Variants in KCTD13 observed in about 807,000 individuals in gnomAD.
The protein encoded by KCTD13 is BTB/POZ domain-containing adapter for CUL3-mediated RhoA degradation protein 1.
A neutral mutation model predicts 32.3 loss-of-function variants in KCTD13; 15 were observed. The observed-to-expected ratio is 0.46, with a 90% CI of 0.31 to 0.71. The LOEUF (loss-of-function observed/expected upper bound fraction) is 0.71, where lower values mean the gene tolerates loss of function less well. Ranked by LOEUF, KCTD13 falls within the 30% of genes least tolerant of loss-of-function variation. The probability of loss-of-function intolerance (pLI) is 0.05; values close to 1 mark genes in which losing one functional copy is unlikely to be tolerated. For missense variants in KCTD13, 337 were observed against 452.6 expected, an observed-to-expected ratio of 0.74 and a Z score of 2.32; for synonymous variants, 189 against 200.1, an observed-to-expected ratio of 0.94 and a Z score of 0.47.
intron 1 of KCTD13, chr16:29,925,472 G>A (rs565226367): frequency 1.2e-5 from 5 of 415,532 alleles, no homozygotes; most frequent in South Asian, 4.5e-5. Context: ...CCCAAGTCTT[G>A]AGCTGAGGGG....
chr16:29,910,638 C>A (rs1210656057), intron 5 of KCTD13, among the ~76,000 whole-genome samples: 1 of 152,124 alleles, frequency 6.6e-6, no homozygotes, highest in Admixed American at 6.5e-5. Flanking sequence ...GGGTTACAGG[C>A]GTAAGCCACT....
chr16:29,925,884 C>T lies in KCTD13; in HGVS notation c.150G>A (p.Ser50=). 6.2e-7 allele frequency: 1 copy of T among 1,614,044 alleles called. No homozygotes were observed. Among genetic ancestry groups the T allele is most frequent in the East Asian group, 2.2e-5 (1 of 44,856 alleles). ...SKYVKLNVGG[S]LHYTTLRTLT... ...GGGTGCGCAGCGTGGTGTAGTGCAACGAGCCGCCCACGTTCAGCTTCACGT... is the reference window on the plus strand; with the variant it reads ...GGGTGCGCAGCGTGGTGTAGTGCAATGAGCCGCCCACGTTCAGCTTCACGT... Residue 50 remains serine (S), a synonymous_variant, in exon 1 of 6, where the codon TCG becomes TCA. Transcript: ENST00000568000.
Position 29,906,401 on chromosome 16 carries a change from CAG to C in KCTD13, c.*469_*470del. ...AATTAAAATAATAAATAATATGAAA[CAG>C]ACTGATAACGCTGAGCTGGGCAGGC... On this transcript the variant is annotated 3_prime_UTR_variant, in exon 6 of 6. Transcript: ENST00000568000. 1 of 303,922 alleles carries C rather than the reference CAG, an allele frequency of 3.3e-6. No individual in the cohort carries two copies. The highest frequency in any genetic ancestry group is 2.9e-5 in the South Asian group (1 of 34,688). 18.8% of individuals were successfully genotyped at this position (303,922 alleles called of 1,614,324 possible).
chr16:29,910,396 C>T (rs2068686330), intron 5 of KCTD13, among the ~76,000 whole-genome samples: 1 of 150,900 alleles, frequency 6.6e-6, no homozygotes, highest in South Asian at 2.1e-4. Context: ...GACTCCATCT[C>T]AAATAATAAT....
At chr16:29,917,065 A>G (rs1476510326) in intron 2 of KCTD13, among the ~76,000 whole-genome samples, 2 of 152,318 alleles carry the variant, frequency 1.3e-5, no homozygotes, top group Middle Eastern at 3.4e-3. Flanking sequence ...ACATGCTGTC[A>G]TTTCTGCAAT....
intron 2 of KCTD13, chr16:29,914,767 TAA>T (rs2068780340): frequency 6.6e-6 from 1 of 152,194 alleles, no homozygotes; most frequent in Non-Finnish European, 1.5e-5. Context: ...ACCTGTGAGC[TAA>T]AGAGACAGGT....
At position 29,911,172 on chromosome 16, in the gene KCTD13, T is replaced by C; in HGVS notation, c.559A>G (p.Thr187Ala). Reference protein sequence around the residue: ...RSNNKYSYTSTSDDNLLKNIE... With the variant: ...RSNNKYSYTSASDDNLLKNIE... ...TTCTTAAGTAGGTTGTCATCTGAAG[T>C]GCTGGGGACCAGGGGACCAGGAGGC... The change falls in exon 5 of 6, where the codon ACT becomes GCT. Residue 187 changes from threonine (T) to alanine (A), a missense_variant and splice_region_variant. Transcript: ENST00000568000. The C allele has an allele frequency of 6.2e-7, 1 of 1,613,728 alleles. No individual in the cohort carries two copies. Among genetic ancestry groups the C allele is most frequent in the Non-Finnish European group, 8.5e-7 (1 of 1,179,760 alleles).
rs145650656 is a variant in KCTD13, at chr16:29,907,222, G to A, written c.754-114C>T. On this transcript the variant is annotated intron_variant, in intron 5 of 5. Transcript: ENST00000568000. ...CTCCTAGCCCTGCAGTCAGGTCCTT[G>A]GGCCTGGCCTGGCCTCTCTGCCACT... is the stretch of plus-strand genomic sequence containing the variant. The A allele has an allele frequency of 3.3e-3, 2,326 of 714,988 alleles. 10 individuals carry two copies. Among genetic ancestry groups the A allele is most frequent in the Non-Finnish European group, 4.7e-3 (2,025 of 428,006 alleles). The allele number at this position is 714,988 out of a possible 1,614,324, so 44.3% of individuals were successfully genotyped here. A position where few individuals can be genotyped will look rare whatever the true frequency, so the allele number is the denominator to read the frequency against.
At chr16:29,924,520 C>T (rs1293041577) in intron 1 of KCTD13, among the ~76,000 whole-genome samples, 1 of 151,988 alleles carries the variant, frequency 6.6e-6, no homozygotes, top group East Asian at 1.9e-4. Context: ...ATAGAGCTTA[C>T]TATCAAAAAA....
In KCTD13 at chr16:29,925,752, G is replaced by C. The variant is rs769126474; in HGVS notation, c.244+38C>G. ...GAGACTGCGGGGAACGGGAGTTGGGGGTCTGGGGTGGGGGCACGGTAGGGG... is the reference window on the plus strand; with the variant it reads ...GAGACTGCGGGGAACGGGAGTTGGGCGTCTGGGGTGGGGGCACGGTAGGGG... On this transcript the variant is annotated intron_variant, in intron 1 of 5. Transcript: ENST00000568000. 2.6e-6 allele frequency: 4 copies of C among 1,562,400 alleles called. No homozygotes were observed. In the African/African-American group the frequency reaches 4.5e-5, roughly 18 times the overall value.
rs186765217 is a variant in KCTD13 at position 29,909,479 on chromosome 16, A to C, written c.753+1499T>G. ...TCATAGTAAGCTCGGAAGGGACCAG[A>C]TGAGGAAGGGCTTGTATTTTGCTCA... On this transcript the variant is annotated intron_variant, in intron 5 of 5. Transcript: ENST00000568000. 1.2e-3 allele frequency among the ~76,000 whole-genome samples: 187 copies of C among 152,198 alleles called. 4 individuals carry two copies. In the South Asian group the frequency reaches 0.018, roughly 15 times the overall value.
At chr16:29,925,027 C>T (rs1300757853) in intron 1 of KCTD13, among the ~76,000 whole-genome samples, 1 of 152,122 alleles carries the variant, frequency 6.6e-6, no homozygotes, top group Non-Finnish European at 1.5e-5. Flanking sequence ...GAATTCTTCA[C>T]CTTTGATACT....
rs1364163095 is a variant in KCTD13, at chr16:29,906,539, G to C, written c.*333C>G. The C allele has an allele frequency of 2.0e-6, 1 of 491,558 alleles. No individual in the cohort carries two copies. The highest frequency in any genetic ancestry group is 2.3e-5 in the Admixed American group (1 of 43,448). The allele number at this position is 491,558 out of a possible 1,614,324, so 30.4% of individuals were successfully genotyped here. ...CTCAGACTGTGGTGATGTCAGGAAGGGCCGCACACTTTGGCATGGACGATG... is the reference window on the plus strand; with the variant it reads ...CTCAGACTGTGGTGATGTCAGGAAGCGCCGCACACTTTGGCATGGACGATG... On this transcript the variant is annotated 3_prime_UTR_variant, in exon 6 of 6. Coordinates refer to ENST00000568000, the MANE Select transcript of KCTD13 (RefSeq NM_178863.5).
In KCTD13 at chr16:29,911,672, G is replaced by A. The variant is rs371485375; in HGVS notation, c.557+143C>T. 2.4e-5 allele frequency: 19 copies of A among 779,290 alleles called. No individual in the cohort carries two copies. In the East Asian group the frequency reaches 3.8e-4, roughly 15 times the overall value. The allele number at this position is 779,290 out of a possible 1,614,324, so 48.3% of individuals were successfully genotyped here. ...CAGAAAGGACCTGCCTAGAGCGTCA[G>A]GGGTAAGAGGCGAAGCCGAATCTGC... On this transcript the variant is annotated intron_variant, in intron 4 of 5. Transcript: ENST00000568000.
At chr16:29,912,129 TG>T in intron 2 of KCTD13, 80 bp from the exon 3 acceptor site, 1 of 946,814 alleles carries the variant, frequency 1.1e-6, no homozygotes, top group Admixed American at 2.2e-5. Context: ...AAAAGCTGGT[TG>T]GGAACAACTC....
intron 5 of KCTD13, among the ~76,000 whole-genome samples, chr16:29,910,439 T>C (rs776239558): frequency 6.6e-6 from 1 of 151,868 alleles, no homozygotes; most frequent in Non-Finnish European, 1.5e-5. Flanking sequence ...ATTACTGGGC[T>C]CAAGCAATCC....
At chr16:29,918,387 G>C (rs2068846752) in intron 2 of KCTD13, among the ~76,000 whole-genome samples, 1 of 152,138 alleles carries the variant, frequency 6.6e-6, no homozygotes. Flanking sequence ...TGCTTGATGT[G>C]GCCCAACGTG....
intron 2 of KCTD13, 42 bp from the exon 3 acceptor site, chr16:29,912,091 C>G: frequency 1.5e-6 from 2 of 1,327,472 alleles, no homozygotes; most frequent in Non-Finnish European, 2.1e-6. Context: ...CAACCAAAGG[C>G]CACGTACTCC....
At chr16:29,922,377 G>A (rs1330720058) in intron 2 of KCTD13, 1 of 152,120 alleles carries the variant, frequency 6.6e-6, no homozygotes, top group Admixed American at 6.6e-5. Flanking sequence ...TAACATAAAA[G>A]AAAGGACATT....
Sources: allele counts gnomAD v4.1 joint callset (sites outside exome capture counted in the v4.1 genomes callset), GRCh38; gene constraint gnomAD v4.1.1; transcripts MANE v1.5; gene names NCBI Gene and HGNC (gene_info 2026-07-23, HGNC 2026-07-21).